The following PCDHGA3 variants were observed in gnomAD, a reference collection of about 807,000 sequenced individuals.
PCDHGA3 encodes protocadherin gamma-A3.
PCDHGA3 carries 40 observed loss-of-function variants against 58.5 expected under a neutral mutation model. The observed-to-expected ratio is 0.68, with a 90% confidence interval of 0.53 to 0.89. The LOEUF (loss-of-function observed/expected upper bound fraction) is 0.89, where lower values mean the gene tolerates loss of function less well. PCDHGA3 is among the 40% of genes least tolerant of loss of function. PCDHGA3 has a pLI of 0.00. For missense variants in PCDHGA3, 1,223 were observed against 1,195.9 expected, an observed-to-expected ratio of 1.02 and a Z score of -0.33; for synonymous variants, 530 against 525.7, an observed-to-expected ratio of 1.01 and a Z score of -0.11.
At chr5:141,435,334 T>C (rs1223377462) in intron 1 of PCDHGA3, among the ~76,000 whole-genome samples, 1 of 152,196 alleles carries the variant, frequency 6.6e-6, no homozygotes, top group East Asian at 1.9e-4. Context: ...ATATAGTGAA[T>C]TTATTTCTTC....
At chr5:141,439,077 C>T (rs978045948) in intron 1 of PCDHGA3, among the ~76,000 whole-genome samples, 1 of 151,492 alleles carries the variant, frequency 6.6e-6, no homozygotes, top group Non-Finnish European at 1.5e-5. Flanking sequence ...CCTGTAATCC[C>T]AGCTACTCAG....
At chr5:141,449,567 C>T (rs1412647192) in intron 1 of PCDHGA3, among the ~76,000 whole-genome samples, 2 of 133,846 alleles carry the variant, frequency 1.5e-5, no homozygotes, top group Non-Finnish European at 3.1e-5. Context: ...CCAGCCTGGG[C>T]GACAGAGCAA....
intron 1 of PCDHGA3, chr5:141,402,901 T>C: frequency 1.3e-6 from 2 of 1,520,230 alleles, no homozygotes; most frequent in Non-Finnish European, 1.8e-6. Flanking sequence ...AAGAACCTGA[T>C]GAAGCAGCGC....
At chr5:141,427,969 A>G (rs1239461810) in intron 1 of PCDHGA3, 1 of 1,591,942 alleles carries the variant, frequency 6.3e-7, no homozygotes, top group Admixed American at 1.7e-5. Context: ...CGGGTGCTGT[A>G]CCCCGCGCTG....
intron 2 of PCDHGA3, among the ~76,000 whole-genome samples, chr5:141,495,270 G>C (rs1428903664): frequency 1.3e-5 from 2 of 152,178 alleles, no homozygotes; most frequent in Non-Finnish European, 2.9e-5. Context: ...GCATTTGACC[G>C]GAGGAGGCGG....
chr5:141,413,385 A>C, intron 1 of PCDHGA3: 1 of 1,613,990 alleles, frequency 6.2e-7, no homozygotes, highest in South Asian at 1.1e-5. Flanking sequence ...GAGTCCGCAT[A>C]GTCTCCAGAG....
intron 1 of PCDHGA3, chr5:141,393,184 T>C: frequency 6.2e-7 from 1 of 1,613,344 alleles, no homozygotes; most frequent in Non-Finnish European, 8.5e-7. Context: ...ATAGAAATAA[T>C]TGATATTAAC....
rs1344089200 is a variant in PCDHGA3 at position 141,343,927 on chromosome 5, C to G, written c.-107C>G. ...ACCTCTTAGTCAACCAGCTGTTTGA[C>G]CTGTGAATTAGGCCCGTAAAAGACT... On this transcript the variant is annotated 5_prime_UTR_variant, in exon 1 of 4. Coordinates refer to ENST00000253812, the MANE Select transcript of PCDHGA3 (RefSeq NM_018916.4). The G allele has an allele frequency of 4.8e-6, 5 of 1,040,738 alleles. No individual in the cohort carries two copies. Among genetic ancestry groups the G allele is most frequent in the African/African-American group, 1.6e-5 (1 of 61,678 alleles). The allele number at this position is 1,040,738 out of a possible 1,614,324, so 64.5% of individuals were successfully genotyped here. A position where few individuals can be genotyped will look rare whatever the true frequency, so the allele number is the denominator to read the frequency against.
chr5:141,381,828 T>TTC (rs1777612038), intron 1 of PCDHGA3, among the ~76,000 whole-genome samples: 1 of 112,014 alleles, frequency 8.9e-6, no homozygotes, highest in Non-Finnish European at 1.8e-5. Context: ...TTCTTCTTCT[T>TTC]TTTTTTTTTT....
chr5:141,404,501 C>T, intron 1 of PCDHGA3: 2 of 1,613,792 alleles, frequency 1.2e-6, no homozygotes, highest in Non-Finnish European at 1.7e-6. Context: ...GCTGTATGCT[C>T]TGTGCTCCTT....
chr5:141,356,312 T>A (rs956800097), intron 1 of PCDHGA3: 4 of 1,554,200 alleles, frequency 2.6e-6, no homozygotes, highest in Middle Eastern at 1.7e-4. Flanking sequence ...CTTTTCAACG[T>A]GCATGACAGT....
intron 1 of PCDHGA3, among the ~76,000 whole-genome samples, chr5:141,381,826 CTTTTTTTTTTTTTT>C (rs770630741): frequency 1.3e-5 from 1 of 74,284 alleles, no homozygotes; most frequent in Non-Finnish European, 2.4e-5. Context: ...CTTTCTTCTT[CTTTTTTTTTTTTTT>C]TTTTTTTTGG....
chr5:141,511,328 A>G lies in PCDHGA3; in HGVS notation c.*155A>G. On this transcript the variant is annotated 3_prime_UTR_variant, in exon 4 of 4. Transcript: ENST00000253812. Reference sequence around the variant, plus strand: ...CCTTGGGAAACAGAAACAAGTGCCCAGTCAGCACCTACCCCTTCCCCCCCA... The same window carrying G: ...CCTTGGGAAACAGAAACAAGTGCCCGGTCAGCACCTACCCCTTCCCCCCCA... The G allele has an allele frequency of 6.9e-7, 1 of 1,456,862 alleles. No individual in the cohort carries two copies. Among genetic ancestry groups the G allele is most frequent in the Non-Finnish European group, 9.1e-7 (1 of 1,093,622 alleles). 90.2% of individuals were successfully genotyped at this position (1,456,862 alleles called of 1,614,324 possible).
intron 1 of PCDHGA3, chr5:141,375,207 AC>A (rs775034160): frequency 9.3e-6 from 15 of 1,613,778 alleles, no homozygotes; most frequent in Non-Finnish European, 1.2e-5. Context: ...TTCGATCGAG[AC>A]TCTGGCCTGA....
At position 141,345,189 on chromosome 5, in the gene PCDHGA3, G is replaced by A; in HGVS notation, c.1156G>A (p.Val386Ile). The A allele has an allele frequency of 6.2e-7, 1 of 1,613,922 alleles. No individual in the cohort carries two copies. The highest frequency in any genetic ancestry group is 8.5e-7 in the Non-Finnish European group (1 of 1,179,878). ...SGQNGQVEVFVLGNLPFKLEK... is the reference protein window; with the variant it reads ...SGQNGQVEVFILGNLPFKLEK... Reference sequence around the variant, plus strand: ...GCAGAATGGGCAGGTTGAAGTTTTTGTCCTGGGAAATCTGCCATTTAAGTT... The same window carrying A: ...GCAGAATGGGCAGGTTGAAGTTTTTATCCTGGGAAATCTGCCATTTAAGTT... Residue 386 changes from valine to isoleucine, a missense_variant, in exon 1 of 4, where the codon GTC (valine) becomes ATC (isoleucine). Val to Ile is a conservative substitution (Grantham distance 29, BLOSUM62 3). Coordinates refer to ENST00000253812, the MANE Select transcript of PCDHGA3 (RefSeq NM_018916.4).
chr5:141,399,944 A>C, intron 1 of PCDHGA3: 1 of 1,612,254 alleles, frequency 6.2e-7, no homozygotes, highest in Non-Finnish European at 8.5e-7. Context: ...CACGTGCTGC[A>C]GGCTAGCGAG....
At chr5:141,371,225 C>A in intron 1 of PCDHGA3, 1 of 1,614,046 alleles carries the variant, frequency 6.2e-7, no homozygotes, top group Non-Finnish European at 8.5e-7. Context: ...ATGCCGAAAT[C>A]ATCTATGCCT....
At chr5:141,418,478 G>T (rs777772131) in intron 1 of PCDHGA3, 1 of 1,613,858 alleles carries the variant, frequency 6.2e-7, no homozygotes, top group Non-Finnish European at 8.5e-7. Flanking sequence ...AACGCAGAGC[G>T]CTCACCACTT....
At position 141,490,632 on chromosome 5, in the gene PCDHGA3, A is replaced by C; in HGVS notation, c.2425-4175A>C. Reference sequence around the variant, plus strand: ...AGCAGCTTTACACTGCTTACATCCTAGAAAACCGGCCTCCGGGCTCCCTTC... The same window carrying C: ...AGCAGCTTTACACTGCTTACATCCTCGAAAACCGGCCTCCGGGCTCCCTTC... On this transcript the variant is annotated intron_variant, in intron 1 of 3. Transcript: ENST00000253812. This position sits in a 1 kb window ranked among gnomAD's most constrained non-coding sequence, Gnocchi z 5.4. The C allele has an allele frequency of 1.2e-6, 2 of 1,614,196 alleles. No individual in the cohort carries two copies. Among genetic ancestry groups the C allele is most frequent in the South Asian group, 1.1e-5 (1 of 91,088 alleles).
Sources: gnomAD v4.1 joint callset for allele counts (sites outside exome capture counted in the v4.1 genomes callset) on GRCh38, gnomAD v4.1.1 for gene constraint, Gnocchi (gnomAD v3.1) non-coding constraint, MANE v1.5 for transcripts, NCBI Gene and HGNC (gene_info 2026-07-23, HGNC 2026-07-21) for gene names.